KIFC3: variants seen among roughly 807,000 people sequenced by gnomAD.
KIFC3 encodes kinesin-like protein KIFC3.
Under a neutral mutation model 101.8 loss-of-function variants are expected in KIFC3, and 60 were observed. That is an observed-to-expected ratio of 0.59 (90% CI 0.48 to 0.73). KIFC3 has a LOEUF of 0.73. Ranked by LOEUF, KIFC3 falls within the 30% of genes least tolerant of loss-of-function variation. The pLI is 0.00. For synonymous variants in KIFC3, 476 were observed against 482.7 expected (o/e 0.99, Z 0.18); for missense variants, 966 against 1,137.1 (o/e 0.85, Z 2.16).
intron 1 of KIFC3, among the ~76,000 whole-genome samples, chr16:57,813,318 GC>G (rs2055136419): frequency 6.6e-6 from 1 of 151,556 alleles, no homozygotes; most frequent in African/African-American, 2.4e-5. Context: ...ACAAAGCAAG[GC>G]CTTGTCTCAA....
At position 57,813,277 on chromosome 16, in the gene KIFC3, G is replaced by A. The variant is rs1195014147; in HGVS notation, c.109-14995C>T. ...CGGGATGCGGAGGTTGCAGTGAGCC[G>A]AGATTGCGCCACTGCACTCCAGCCT... On this transcript the variant is annotated intron_variant, in intron 1 of 2. Coordinates refer to the KIFC3 transcript ENST00000563028. Among the ~76,000 whole-genome samples the A allele has an allele frequency of 3.3e-5, 5 of 151,978 alleles. No homozygotes were observed. The East Asian group carries it at 5.8e-4, about 18-fold the overall frequency.
intron 1 of KIFC3, among the ~76,000 whole-genome samples, chr16:57,831,607 T>C (rs1275999082): frequency 6.6e-6 from 1 of 152,154 alleles, no homozygotes; most frequent in Non-Finnish European, 1.5e-5. Flanking sequence ...GGAGGATCAC[T>C]TGAACCCAGG....
At position 57,769,723 on chromosome 16, in the gene KIFC3, C is replaced by T. The variant is rs146824728; in HGVS notation, c.1090G>A (p.Val364Ile). Residue 364 changes from valine to isoleucine, a missense_variant and splice_region_variant, in exon 9 of 20, where the codon GTC becomes ATC. Physicochemically the swap from Val to Ile is conservative, Grantham distance 29. Around this residue, in one of 2 missense-constraint regions of KIFC3, gnomAD observed 689 missense variants for 884.6 expected, o/e 0.78. Transcript: ENST00000445690. This position sits in a 1 kb window ranked among gnomAD's most constrained non-coding sequence, Gnocchi z 4.3. ...TGCAAGGTCAGCAAGTTGGTCCGGA[C>T]GCCTATGGGGACACTCGGGCTGTGA... ...MKAVHENLAGVRTNLLTLQPA... is the reference protein window; with the variant it reads ...MKAVHENLAGIRTNLLTLQPA... The T allele has an allele frequency of 7.6e-5, 123 of 1,612,930 alleles. 1 individual carries two copies. In the South Asian group the frequency reaches 8.2e-4, roughly 11 times the overall value.
At chr16:57,860,092 T>TAAAAAC (rs1555485109) in intron 1 of KIFC3, among the ~76,000 whole-genome samples, 2 of 127,238 alleles carry the variant, frequency 1.6e-5, no homozygotes, top group African/African-American at 5.3e-5. Context: ...TAAAATAAAA[T>TAAAAAC]AAAAACAAGT....
chr16:57,816,172 T>G, intron 1 of KIFC3: 1 of 1,254,544 alleles, frequency 8.0e-7, no homozygotes, highest in Non-Finnish European at 1.0e-6. Flanking sequence ...GGGAGGGTGC[T>G]CCCACTTCTA....
chr16:57,766,813 A>T (rs917532929), intron 10 of KIFC3, 61 bp downstream of exon 10: 26 of 1,169,358 alleles, frequency 2.2e-5, no homozygotes, highest in Admixed American at 5.3e-5. Context: ...TCCAAGCATG[A>T]CTGCCAAGCC....
intron 1 of KIFC3, among the ~76,000 whole-genome samples, chr16:57,856,629 A>G (rs1309663164): frequency 2.0e-5 from 3 of 152,208 alleles, no homozygotes; most frequent in Non-Finnish European, 4.4e-5. Flanking sequence ...CTTTGAAACA[A>G]TCAATTAAAA....
At chr16:57,798,398 G>A (rs1299550961) in intron 1 of KIFC3, 116 bp from the exon 2 acceptor site, 10 of 920,020 alleles carry the variant, frequency 1.1e-5, no homozygotes, top group Admixed American at 2.1e-5. Context: ...GTTACCCAGC[G>A]CAGCAGCTCC....
At position 57,771,353 on chromosome 16, in the gene KIFC3, C is replaced by G; in HGVS notation, c.610G>C (p.Glu204Gln). 1.9e-6 allele frequency: 3 copies of G among 1,613,808 alleles called. No individual in the cohort carries two copies. The highest frequency in any genetic ancestry group is 2.5e-6 in the Non-Finnish European group (3 of 1,180,052). The change falls in exon 6 of 20, where the codon GAG becomes CAG. Residue 204 changes from glutamate to glutamine, a missense_variant. By Grantham distance (29) the Glu-to-Gln change is conservative. Coordinates refer to ENST00000445690, the MANE Select transcript of KIFC3 (RefSeq NM_001130100.2). ...AGCCGGTCGGTCTTCTGCTGCACCT[C>G]TAGGTTCAGCTCTGACAGCATGCCT... ...SKGMLSELNLEVQQKTDRLAE... is the reference protein window; with the variant it reads ...SKGMLSELNLQVQQKTDRLAE...
intron 3 of KIFC3, chr16:57,785,764 A>C: frequency 1.5e-6 from 1 of 681,284 alleles, no homozygotes; most frequent in Non-Finnish European, 2.0e-6. Flanking sequence ...GGGATGATAG[A>C]GGTGCAAGCA....
chr16:57,862,501 A>T (rs1959357524), intron 1 of KIFC3, among the ~76,000 whole-genome samples: 1 of 152,228 alleles, frequency 6.6e-6, no homozygotes, highest in East Asian at 1.9e-4. Context: ...TATTTTAAAA[A>T]TAATTTCAAA....
At chr16:57,782,019 A>T in intron 3 of KIFC3, 1 of 985,472 alleles carries the variant, frequency 1.0e-6, no homozygotes, top group Non-Finnish European at 1.2e-6. Context: ...ATGGAAAACA[A>T]GGCAGAGTGT....
At chr16:57,772,179 C>T (rs781828530) in intron 4 of KIFC3, 44 bp downstream of exon 4, 1 of 1,570,238 alleles carries the variant, frequency 6.4e-7, no homozygotes, top group South Asian at 1.1e-5. Flanking sequence ...CTGCACAAGG[C>T]AGGCCAGGCC....
chr16:57,773,116 A>G (rs564019425), intron 3 of KIFC3, among the ~76,000 whole-genome samples: 1 of 152,288 alleles, frequency 6.6e-6, no homozygotes, highest in South Asian at 2.1e-4. Flanking sequence ...ATTCACAGAC[A>G]CAGACTTTGG....
chr16:57,842,011 T>C (rs1435806686), intron 1 of KIFC3, among the ~76,000 whole-genome samples: 1 of 151,984 alleles, frequency 6.6e-6, no homozygotes, highest in Non-Finnish European at 1.5e-5. Context: ...GGCCATCTCC[T>C]GCCTTCTCCC....
intron 3 of KIFC3, among the ~76,000 whole-genome samples, chr16:57,778,614 C>T (rs1488009442): frequency 2.6e-5 from 4 of 152,156 alleles, no homozygotes; most frequent in African/African-American, 9.7e-5. Context: ...GAGCAAAGAA[C>T]TTGAATAGCA....
chr16:57,799,480 A>C (rs1477534376), intron 1 of KIFC3, among the ~76,000 whole-genome samples: 18 of 152,132 alleles, frequency 1.2e-4, no homozygotes, highest in African/African-American at 3.4e-4. Flanking sequence ...CCCCTGACCC[A>C]CTATGGGCCC....
intron 3 of KIFC3, chr16:57,775,443 G>C: frequency 9.9e-7 from 1 of 1,011,712 alleles, no homozygotes; most frequent in Non-Finnish European, 1.2e-6. Flanking sequence ...CGGGCTTGTA[G>C]GGAAGATGTC....
intron 1 of KIFC3, chr16:57,816,237 C>G (rs1477404): frequency 0.29 from 368,931 of 1,287,732 alleles, 53,998 homozygotes; most frequent in South Asian, 0.33. Flanking sequence ...AACCGAGGCC[C>G]GGAAAGTGTC....
Sources: allele counts gnomAD v4.1 joint callset (sites outside exome capture counted in the v4.1 genomes callset), GRCh38; gene constraint gnomAD v4.1.1; regional missense constraint gnomAD v4.1.1; non-coding constraint Gnocchi (gnomAD v3.1); transcripts MANE v1.5; gene names NCBI Gene and HGNC (gene_info 2026-07-23, HGNC 2026-07-21).